Variants in PLAC1 observed in about 807,000 individuals in gnomAD.
PLAC1 encodes the protein placenta-specific protein 1.
For synonymous variants in PLAC1, 68 were observed against 62.1 expected (o/e 1.09, Z -0.44); for missense variants, 136 against 163.2 (o/e 0.83, Z 0.91).
intron 2 of PLAC1, among the ~76,000 whole-genome samples, chrX:134,711,899 T>C (rs2078629118): frequency 8.9e-6 from 1 of 112,238 alleles, no homozygotes; most frequent in Admixed American, 9.5e-5. Context: ...ATTGGTTTCC[T>C]TAACAATTCC....
chrX:134,577,160 C>A (rs1478432467), intron 2 of PLAC1, among the ~76,000 whole-genome samples: 1 of 111,806 alleles, frequency 8.9e-6, no homozygotes, highest in Non-Finnish European at 1.9e-5. Flanking sequence ...AAGAAAGGGG[C>A]CAGTTAAAAG....
intron 1 of PLAC1, among the ~76,000 whole-genome samples, chrX:134,610,356 C>T (rs1377671618): frequency 9.0e-6 from 1 of 111,217 alleles, no homozygotes; most frequent in Non-Finnish European, 1.9e-5. Flanking sequence ...CCAATGGTGT[C>T]TCTTCACCTT....
upstream of PLAC1, among the ~76,000 whole-genome samples, chrX:134,661,939 A>G (rs1168643222): frequency 8.9e-6 from 1 of 112,520 alleles, no homozygotes; most frequent in Non-Finnish European, 1.9e-5. Flanking sequence ...AAAATAAATT[A>G]TATGAAAAAC....
At chrX:134,682,367 AG>A (rs1485592137) in intron 2 of PLAC1, among the ~76,000 whole-genome samples, 1 of 111,761 alleles carries the variant, frequency 8.9e-6, no homozygotes, top group Admixed American at 9.4e-5. Context: ...TGCTCTTCAC[AG>A]GGCAGCTGGA....
intron 2 of PLAC1, among the ~76,000 whole-genome samples, chrX:134,590,302 A>G (rs1437885709): frequency 8.9e-6 from 1 of 111,831 alleles, no homozygotes; most frequent in Non-Finnish European, 1.9e-5. Flanking sequence ...GGGTCTTATT[A>G]CCTGGCTTCA....
chrX:134,675,091 C>CT (rs1313349943), intron 2 of PLAC1, among the ~76,000 whole-genome samples: 1 of 112,248 alleles, frequency 8.9e-6, no homozygotes, highest in African/African-American at 3.2e-5. Context: ...TCAGTCGTCA[C>CT]TTAATGCATC....
intron 2 of PLAC1, among the ~76,000 whole-genome samples, chrX:134,718,223 A>G (rs1479063509): frequency 9.0e-6 from 1 of 111,388 alleles, no homozygotes; most frequent in African/African-American, 3.3e-5. Flanking sequence ...GTAAGCCAGA[A>G]AGCCTCCCTG....
At chrX:134,743,424 G>A (rs1569413695) in intron 1 of PLAC1, among the ~76,000 whole-genome samples, 1 of 110,416 alleles carries the variant, frequency 9.1e-6, no homozygotes, top group Non-Finnish European at 1.9e-5. Flanking sequence ...GGTGCTGTGG[G>A]GAATGTGTAG....
At chrX:134,613,202 A>G (rs772243147) in intron 1 of PLAC1, among the ~76,000 whole-genome samples, 1 of 110,969 alleles carries the variant, frequency 9.0e-6, no homozygotes, top group South Asian at 3.9e-4. Context: ...GCACAGGACG[A>G]TCCAGGGAAC....
intron 1 of PLAC1, among the ~76,000 whole-genome samples, chrX:134,624,458 G>T (rs938308370): frequency 8.9e-6 from 1 of 112,261 alleles, no homozygotes; most frequent in Non-Finnish European, 1.9e-5. Context: ...CTGGACTAAT[G>T]ACTGTGATAC....
At chrX:134,734,916 C>T (rs1039831216) in intron 1 of PLAC1, among the ~76,000 whole-genome samples, 5 of 110,602 alleles carry the variant, frequency 4.5e-5, no homozygotes, top group African/African-American at 6.6e-5. Flanking sequence ...AATGGAGCCT[C>T]GAAAATAGCC....
intron 1 of PLAC1, among the ~76,000 whole-genome samples, chrX:134,752,918 A>G (rs928038675): frequency 8.9e-6 from 1 of 111,942 alleles, no homozygotes; most frequent in African/African-American, 3.2e-5. Flanking sequence ...GAGATAATTG[A>G]CATAGCAAAA....
chrX:134,711,817 C>A (rs1008633291), intron 2 of PLAC1, among the ~76,000 whole-genome samples: 2 of 110,573 alleles, frequency 1.8e-5, no homozygotes, highest in African/African-American at 6.6e-5. Flanking sequence ...AAGGAGAGGG[C>A]CTCCTCCCTC....
At chrX:134,731,031 A>G (rs988755028) in intron 2 of PLAC1, among the ~76,000 whole-genome samples, 3 of 111,439 alleles carry the variant, frequency 2.7e-5, no homozygotes, top group Admixed American at 1.9e-4. Flanking sequence ...ATCCTCCTAA[A>G]GCTCTCCTCT....
intron 1 of PLAC1, among the ~76,000 whole-genome samples, chrX:134,736,902 T>G (rs766791628): frequency 8.9e-6 from 1 of 112,328 alleles, no homozygotes; most frequent in Non-Finnish European, 1.9e-5. Context: ...TCACGAGAAA[T>G]CCATGCCTCT....
chrX:134,726,590 C>T (rs894838390), intron 2 of PLAC1, among the ~76,000 whole-genome samples: 15 of 110,882 alleles, frequency 1.4e-4, no homozygotes, highest in African/African-American at 4.9e-4. Flanking sequence ...TTTGGGAGGC[C>T]GAGGCGGCCG....
intron 1 of PLAC1, among the ~76,000 whole-genome samples, chrX:134,749,670 C>T (rs2078736643): frequency 1.8e-5 from 2 of 112,213 alleles, no homozygotes; most frequent in South Asian, 7.4e-4. Flanking sequence ...TAATTCTTTT[C>T]GTGTTATTAA....
At chrX:134,715,457 C>A (rs1453686412) in intron 2 of PLAC1, among the ~76,000 whole-genome samples, 1 of 108,995 alleles carries the variant, frequency 9.2e-6, no homozygotes, top group African/African-American at 3.3e-5. Context: ...CCCCCCACCC[C>A]CCTAACACAC....
At chrX:134,681,839 A>G (rs1203581443) in intron 2 of PLAC1, among the ~76,000 whole-genome samples, 1 of 111,565 alleles carries the variant, frequency 9.0e-6, no homozygotes, top group Non-Finnish European at 1.9e-5. Flanking sequence ...CCATGGAAAA[A>G]TATTCTAATC....
Sources: allele counts gnomAD v4.1 joint callset (sites outside exome capture counted in the v4.1 genomes callset), GRCh38; gene constraint gnomAD v4.1.1; transcripts MANE v1.5; gene names NCBI Gene and HGNC (gene_info 2026-07-23, HGNC 2026-07-21).